Variants in MAP3K19 observed in about 807,000 individuals in gnomAD.
MAP3K19 encodes the protein SPS1/STE20-related protein kinase YSK4.
MAP3K19 carries 91 observed loss-of-function variants against 114.4 expected under a neutral mutation model. The observed-to-expected ratio is 0.80, with a 90% CI of 0.67 to 0.95. The LOEUF is 0.95. Ranked by LOEUF, MAP3K19 falls within the 40% of genes least tolerant of loss-of-function variation. The probability of loss-of-function intolerance (pLI) is 0.00; values close to 1 mark genes in which losing one functional copy is unlikely to be tolerated. For missense variants in MAP3K19, 1,471 were observed against 1,573.2 expected (o/e 0.94, Z 1.10); for synonymous variants, 518 against 530.5 (o/e 0.98, Z 0.32).
intron 1 of MAP3K19, among the ~76,000 whole-genome samples, chr2:135,046,976 C>T (rs1472610288): frequency 6.6e-6 from 1 of 152,120 alleles, no homozygotes; most frequent in South Asian, 2.1e-4. Context: ...TCTAGAGGTG[C>T]CTGCATAAGT....
Position 135,040,512 on chromosome 2 carries a change from A to C in MAP3K19, c.-423-10T>G, listed in dbSNP as rs13409400. ...CCTCTTGAAACCACTTCTAGGAAAT[A>C]ATGAATCAGTTTATTTTTATTCATC... On this transcript the variant is annotated splice_polypyrimidine_tract_variant and intron_variant, in intron 1 of 12. Transcript: ENST00000392915. 40,395 of 152,508 alleles carry C rather than the reference A, an allele frequency of 0.26. 7,213 individuals are homozygous for C. Among genetic ancestry groups the C allele is most frequent in the African/African-American group, 0.49 (20,108 of 41,438 alleles). 9.4% of individuals were successfully genotyped at this position (152,508 alleles called of 1,614,324 possible). A position where few individuals can be genotyped will look rare whatever the true frequency, so the allele number is the denominator to read the frequency against.
intron 2 of MAP3K19, among the ~76,000 whole-genome samples, chr2:135,033,363 T>C (rs867066099): frequency 0.072 from 5,648 of 78,844 alleles, 1,683 homozygotes; most frequent in African/African-American, 0.34. Flanking sequence ...GCTGGCCGGG[T>C]GGGGGGCTGA....
At chr2:135,009,325 A>C (rs1431776813) in intron 5 of MAP3K19, among the ~76,000 whole-genome samples, 1 of 152,008 alleles carries the variant, frequency 6.6e-6, no homozygotes, top group Non-Finnish European at 1.5e-5. Context: ...TTATTGTTTG[A>C]ATGTTCATAC....
intron 5 of MAP3K19, among the ~76,000 whole-genome samples, chr2:135,009,118 ATTT>A (rs59038927): frequency 0.16 from 22,307 of 136,662 alleles, 2,697 homozygotes; most frequent in African/African-American, 0.34. Flanking sequence ...TGCCTGGCTA[ATTT>A]TTTTTTTTTT....
In MAP3K19 at chr2:134,991,518, AT is replaced by A. The variant is rs752097342; in HGVS notation, c.618+18del. ...TTTGGTTTTAATTCTCAAGTCAAAA[AT>A]GCTAGCACTAATCTTACCTTGATGC... On this transcript the variant is annotated intron_variant, in intron 9 of 12. Transcript: ENST00000392915. 3 of 1,609,538 alleles carry A rather than the reference AT, an allele frequency of 1.9e-6. No individual in the cohort carries two copies. In the African/African-American group the frequency reaches 4.0e-5, roughly 22 times the overall value.
Position 134,999,183 on chromosome 2 carries a change from A to T in MAP3K19, c.315-186T>A, listed in dbSNP as rs932050366. Among the ~76,000 whole-genome samples the T allele has an allele frequency of 6.6e-6, 1 of 152,194 alleles. No homozygotes were observed. Among genetic ancestry groups the T allele is most frequent in the Non-Finnish European group, 1.5e-5 (1 of 68,038 alleles). ...CCTGCTGACTCCTCCTGGCCTCCTT[A>T]GCCCTCTGTACCATCGCTTGGATGG... On this transcript the variant is annotated intron_variant, in intron 7 of 12. Transcript: ENST00000392915. This position sits in a 1 kb window ranked among gnomAD's most constrained non-coding sequence, Gnocchi z 4.1.
At chr2:135,042,928 C>T (rs562124236) in intron 1 of MAP3K19, among the ~76,000 whole-genome samples, 11 of 151,978 alleles carry the variant, frequency 7.2e-5, no homozygotes, top group Admixed American at 1.3e-4. Context: ...CTAAAAAATA[C>T]AAACATTACC....
chr2:134,992,811 A>G (rs1034605408), intron 8 of MAP3K19, among the ~76,000 whole-genome samples: 2 of 151,990 alleles, frequency 1.3e-5, no homozygotes, highest in African/African-American at 4.8e-5. Context: ...CTGGGATTAC[A>G]GGCACCTGCC....
intron 5 of MAP3K19, among the ~76,000 whole-genome samples, chr2:135,011,035 A>C (rs373307180): frequency 6.6e-6 from 1 of 152,184 alleles, no homozygotes; most frequent in Non-Finnish European, 1.5e-5. Context: ...GCAGCTGCTT[A>C]TATTTGTAAA....
intron 1 of MAP3K19, among the ~76,000 whole-genome samples, chr2:135,044,690 G>T (rs931070071): frequency 9.2e-5 from 14 of 152,178 alleles, no homozygotes; most frequent in African/African-American, 3.4e-4. Flanking sequence ...ACCTTAGCTA[G>T]ATGGGGATGA....
intron 2 of MAP3K19, among the ~76,000 whole-genome samples, chr2:135,039,945 C>T (rs1026057283): frequency 6.6e-6 from 1 of 152,204 alleles, no homozygotes; most frequent in South Asian, 2.1e-4. Flanking sequence ...ACAAAGTCTG[C>T]TGCCCTTTTA....
intron 5 of MAP3K19, among the ~76,000 whole-genome samples, chr2:135,014,072 A>G (rs975583681): frequency 1.3e-5 from 2 of 152,180 alleles, no homozygotes; most frequent in African/African-American, 4.8e-5. Flanking sequence ...AACCACATTC[A>G]TTCGGGCCAG....
At position 134,993,265 on chromosome 2, in the gene MAP3K19, G is replaced by A. The variant is rs565159623; in HGVS notation, c.575-1685C>T. Among the ~76,000 whole-genome samples, 5 of 152,212 alleles carry A rather than the reference G, an allele frequency of 3.3e-5. No homozygotes were observed. The South Asian group carries it at 8.3e-4, about 25-fold the overall frequency. On this transcript the variant is annotated intron_variant, in intron 8 of 12. Transcript: ENST00000392915. Reference sequence around the variant, plus strand: ...AGGCTGTCATTCTGAAGTTTCACACGGAGAGAAAAAGACTTCTAAGATTTA... The same window carrying A: ...AGGCTGTCATTCTGAAGTTTCACACAGAGAGAAAAAGACTTCTAAGATTTA...
chr2:134,981,928 G>A (rs916608998), intron 11 of MAP3K19, among the ~76,000 whole-genome samples: 1 of 107,512 alleles, frequency 9.3e-6, no homozygotes, highest in South Asian at 2.9e-4. Flanking sequence ...GTCTCACTCT[G>A]TTGCCCAGGC....
At chr2:134,991,092 G>C (rs891188009) in intron 9 of MAP3K19, among the ~76,000 whole-genome samples, 1 of 151,830 alleles carries the variant, frequency 6.6e-6, no homozygotes, top group Non-Finnish European at 1.5e-5. Context: ...ACGAGGTCAG[G>C]AGATCGAGAC....
chr2:134,997,057 CAACA>C (rs371868206), intron 8 of MAP3K19, among the ~76,000 whole-genome samples: 80 of 151,816 alleles, frequency 5.3e-4, no homozygotes, highest in Admixed American at 3.7e-3. Flanking sequence ...TCAAACAAAC[CAACA>C]AACAAACAAA....
chr2:134,988,973 G>A (rs1685369576), intron 9 of MAP3K19, among the ~76,000 whole-genome samples: 1 of 152,046 alleles, frequency 6.6e-6, no homozygotes, highest in Non-Finnish European at 1.5e-5. Context: ...ACCAGTTATT[G>A]ACTAACTCAG....
chr2:135,016,304 T>A (rs1042968385), intron 5 of MAP3K19, among the ~76,000 whole-genome samples: 1 of 152,224 alleles, frequency 6.6e-6, no homozygotes, highest in African/African-American at 2.4e-5. Context: ...CAGAACCATG[T>A]ATTGAAAATT....
At chr2:134,969,813 A>G in intron 12 of MAP3K19, among the ~76,000 whole-genome samples, 1 of 152,186 alleles carries the variant, frequency 6.6e-6, no homozygotes, top group East Asian at 1.9e-4. Context: ...ATGGTGAGAT[A>G]GGGGTCTAAC....
Sources: gnomAD v4.1 joint callset for allele counts (sites outside exome capture counted in the v4.1 genomes callset) on GRCh38, gnomAD v4.1.1 for gene constraint, Gnocchi (gnomAD v3.1) non-coding constraint, MANE v1.5 for transcripts, NCBI Gene and HGNC (gene_info 2026-07-23, HGNC 2026-07-21) for gene names.